Variants in CASP5 observed in about 807,000 individuals in gnomAD.
CASP5 encodes the protein caspase-5.
Under a neutral mutation model 45.2 loss-of-function variants are expected in CASP5, and 42 were observed. The observed-to-expected ratio is 0.93, with a 90% CI of 0.73 to 1.20. The LOEUF is 1.20. Ranked by LOEUF, CASP5 falls within the 50% of genes most tolerant of loss-of-function variation. CASP5 has a pLI of 0.00. For synonymous variants in CASP5, 209 were observed against 186.2 expected (o/e 1.12, Z -1.00); for missense variants, 512 against 532.2 (o/e 0.96, Z 0.37).
At position 105,016,625 on chromosome 11, in the gene CASP5, T is replaced by G. The variant is rs547956542; in HGVS notation, c.7+6505A>C. 3.0e-4 allele frequency among the ~76,000 whole-genome samples: 46 copies of G among 152,096 alleles called. 1 individual carries two copies. In the East Asian group the frequency reaches 4.5e-3, roughly 15 times the overall value. The stretch of plus-strand genomic sequence containing the variant: ...CCGGCTTAAAAAATGGCGCATCAGA[T>G]TATATCCTGCACCTGGCTCGGAGGG... On this transcript the variant is annotated intron_variant, in intron 1 of 9. Transcript: ENST00000260315.
chr11:105,002,905 T>C (rs1329177185), intron 4 of CASP5, among the ~76,000 whole-genome samples: 1 of 152,172 alleles, frequency 6.6e-6, no homozygotes, highest in Admixed American at 6.5e-5. Flanking sequence ...CTTTAAGTAT[T>C]TGTGCATTTA....
At chr11:105,010,718 A>G (rs1862310042) in intron 1 of CASP5, among the ~76,000 whole-genome samples, 1 of 151,644 alleles carries the variant, frequency 6.6e-6, no homozygotes, top group Non-Finnish European at 1.5e-5. Flanking sequence ...CACATTCCAT[A>G]GAGTTAACCA....
Position 105,009,862 on chromosome 11 carries a change from T to C in CASP5, c.8-882A>G, listed in dbSNP as rs112340985. 5.0e-5 allele frequency among the ~76,000 whole-genome samples: 7 copies of C among 138,684 alleles called. No homozygotes were observed. The South Asian group carries it at 6.5e-4, about 13-fold the overall frequency. The allele number at this position is 138,684 out of a possible 152,430, so 91.0% of individuals were successfully genotyped here. On this transcript the variant is annotated intron_variant, in intron 1 of 9. Transcript: ENST00000260315. ...ATACACATATATATACACATATATA[T>C]ACATATATATACACACATATATATA...
Position 105,000,421 on chromosome 11 carries a change from G to T in CASP5, c.792C>A (p.Leu264=). Residue 264 remains leucine (L), a synonymous_variant, in exon 6 of 10, where the codon CTC becomes CTA. Coordinates refer to ENST00000260315, the MANE Select transcript of CASP5 (RefSeq NM_004347.5). ...HKSSDSTFLV[L]MSHGILEGIC... is the part of the protein sequence containing the mutation. Reference sequence around the variant, plus strand: ...TTCCCTCTAGGATGCCATGAGACATGAGTACCAAGAACGTGCTGTCAGAGG... The same window carrying T: ...TTCCCTCTAGGATGCCATGAGACATTAGTACCAAGAACGTGCTGTCAGAGG... 6.2e-7 allele frequency: 1 copy of T among 1,614,174 alleles called. No homozygotes were observed. Among genetic ancestry groups the T allele is most frequent in the South Asian group, 1.1e-5 (1 of 91,078 alleles).
intron 8 of CASP5, 133 bp downstream of exon 8, chr11:104,997,250 G>T: frequency 1.5e-6 from 1 of 663,876 alleles, no homozygotes; most frequent in Non-Finnish European, 2.7e-6. Context: ...TTAAACACCT[G>T]AATGACAGAA....
chr11:105,012,351 C>T lies in CASP5; in HGVS notation c.8-3371G>A, dbSNP rs572269225. Among the ~76,000 whole-genome samples, 7 of 151,786 alleles carry T rather than the reference C, an allele frequency of 4.6e-5. No individual in the cohort carries two copies. In the South Asian group the frequency reaches 8.3e-4, roughly 18 times the overall value. ...ACTACTACACAAAAACGTGGAAAAG[C>T]TTAATGACACTGGTATAGACAATGA... On this transcript the variant is annotated intron_variant, in intron 1 of 9. Coordinates refer to ENST00000260315, the MANE Select transcript of CASP5 (RefSeq NM_004347.5).
In CASP5 at chr11:104,995,313, T is replaced by C. The variant is rs111680642; in HGVS notation, c.*4+427A>G. ...TGCACTCAGAGGACCAAAGCCCTGC[T>C]TTCCCCATAGATAGCTCCTGTGTTT... On this transcript the variant is annotated intron_variant, in intron 9 of 9. Coordinates refer to ENST00000260315, the MANE Select transcript of CASP5 (RefSeq NM_004347.5). 700 of 154,004 alleles carry C rather than the reference T, an allele frequency of 4.5e-3. 2 individuals are homozygous for C. The highest frequency in any genetic ancestry group is 6.7e-3 in the Middle Eastern group (2 of 300). 9.5% of individuals were successfully genotyped at this position (154,004 alleles called of 1,614,324 possible). A position where few individuals can be genotyped will look rare whatever the true frequency, so the allele number is the denominator to read the frequency against.
At chr11:105,004,720 C>A (rs1039447538) in intron 3 of CASP5, among the ~76,000 whole-genome samples, 1 of 151,990 alleles carries the variant, frequency 6.6e-6, no homozygotes, top group Non-Finnish European at 1.5e-5. Flanking sequence ...ATGATAAAAG[C>A]GTGAGTTCTG....
chr11:105,010,242 G>A (rs1338847733), intron 1 of CASP5, among the ~76,000 whole-genome samples: 1 of 150,562 alleles, frequency 6.6e-6, no homozygotes, highest in Non-Finnish European at 1.5e-5. Context: ...TTACAAAACA[G>A]GACAAAAAGT....
chr11:104,999,068 T>A, intron 6 of CASP5, 40 bp from the exon 7 acceptor site: 1 of 1,542,282 alleles, frequency 6.5e-7, no homozygotes, highest in Non-Finnish European at 8.8e-7. Flanking sequence ...TATGTTACTT[T>A]AAGTTCCAGA....
chr11:104,999,414 T>C (rs766075695), intron 6 of CASP5, among the ~76,000 whole-genome samples: 3 of 152,200 alleles, frequency 2.0e-5, no homozygotes, highest in African/African-American at 4.8e-5. Flanking sequence ...CAGTATTCCA[T>C]GGGATATGTG....
chr11:104,998,060 G>C (rs1861545248), intron 7 of CASP5, among the ~76,000 whole-genome samples: 1 of 152,132 alleles, frequency 6.6e-6, no homozygotes, highest in African/African-American at 2.4e-5. Flanking sequence ...TTTGCAGAGA[G>C]TAGATCTTAT....
intron 1 of CASP5, among the ~76,000 whole-genome samples, chr11:105,015,287 T>C (rs1272079126): frequency 6.6e-6 from 1 of 152,224 alleles, no homozygotes; most frequent in African/African-American, 2.4e-5. Context: ...CAAACTTAAC[T>C]GACTGGTTTT....
intron 1 of CASP5, among the ~76,000 whole-genome samples, chr11:105,021,245 A>G (rs1361790741): frequency 6.6e-6 from 1 of 150,392 alleles, no homozygotes; most frequent in Non-Finnish European, 1.5e-5. Flanking sequence ...GGACATAGGC[A>G]TGGGCAAGGA....
chr11:105,023,120 C>A lies in CASP5; in HGVS notation c.7+10G>T. On this transcript the variant is annotated intron_variant, in intron 1 of 9. Coordinates refer to ENST00000260315, the MANE Select transcript of CASP5 (RefSeq NM_004347.5). Reference sequence around the variant, plus strand: ...ACCCAGCTGCTAGTCAGAAAAGGGCCCAGACTCACCAGCCATAGCTAACAG... The same window carrying A: ...ACCCAGCTGCTAGTCAGAAAAGGGCACAGACTCACCAGCCATAGCTAACAG... 1 of 1,550,928 alleles carries A rather than the reference C, an allele frequency of 6.4e-7. No homozygotes were observed. The highest frequency in any genetic ancestry group is 2.0e-5 in the Admixed American group (1 of 50,972).
intron 6 of CASP5, 23 bp downstream of exon 6, chr11:105,000,238 A>G: frequency 2.5e-6 from 4 of 1,610,886 alleles, no homozygotes; most frequent in Non-Finnish European, 3.4e-6. Flanking sequence ...CAAAACTGTT[A>G]GATGTTCAGC....
At chr11:105,021,715 CT>C (rs1009823132) in intron 1 of CASP5, among the ~76,000 whole-genome samples, 3,868 of 148,098 alleles carry the variant, frequency 0.026, 163 homozygotes, top group African/African-American at 0.09. Context: ...GTTGGTGGGA[CT>C]GTAAACTAGT....
chr11:105,018,759 C>G (rs1177636908), intron 1 of CASP5, among the ~76,000 whole-genome samples: 1 of 142,514 alleles, frequency 7.0e-6, no homozygotes, highest in African/African-American at 2.6e-5. Context: ...GACAGAAAGT[C>G]AACAAGGATA....
chr11:105,007,394 C>T (rs1862064190), intron 2 of CASP5, 60 bp from the exon 3 acceptor site: 2 of 1,462,900 alleles, frequency 1.4e-6, no homozygotes, highest in Admixed American at 4.2e-5. Context: ...TCTGCCTTCA[C>T]CTAAGACATA....
Sources: gnomAD v4.1 joint callset for allele counts (sites outside exome capture counted in the v4.1 genomes callset) on GRCh38, gnomAD v4.1.1 for gene constraint, MANE v1.5 for transcripts, NCBI Gene and HGNC (gene_info 2026-07-23, HGNC 2026-07-21) for gene names.